The following FAM184A variants were observed in gnomAD, a reference collection of about 807,000 sequenced individuals.
The protein encoded by FAM184A is protein FAM184A.
FAM184A carries 99 observed loss-of-function variants against 143.8 expected under a neutral mutation model. The observed-to-expected ratio is 0.69, with a 90% CI of 0.58 to 0.81. The LOEUF is 0.81. FAM184A is among the 40% of genes least tolerant of loss of function. The probability of loss-of-function intolerance (pLI) is 0.00; values close to 1 mark genes in which losing one functional copy is unlikely to be tolerated. For synonymous variants in FAM184A, 427 were observed against 446.4 expected (o/e 0.96, Z 0.55); for missense variants, 1,217 against 1,310.5 (o/e 0.93, Z 1.10).
chr6:119,047,025 C>A (rs1390460189), intron 1 of FAM184A, among the ~76,000 whole-genome samples: 3 of 146,578 alleles, frequency 2.0e-5, no homozygotes, highest in Non-Finnish European at 3.0e-5. Context: ...TCAAAAAACG[C>A]TACAGGAAAA....
chr6:118,999,526 T>G (rs1031150329), intron 9 of FAM184A, among the ~76,000 whole-genome samples: 2 of 152,208 alleles, frequency 1.3e-5, no homozygotes, highest in Admixed American at 6.5e-5. Flanking sequence ...ATAAAATGTT[T>G]ACTAAGTGAA....
intron 1 of FAM184A, among the ~76,000 whole-genome samples, chr6:119,134,497 A>G (rs1368659750): frequency 1.3e-5 from 2 of 151,926 alleles, no homozygotes. Context: ...CCAAAAAATA[A>G]AAGTAAATTA....
intron 1 of FAM184A, among the ~76,000 whole-genome samples, chr6:119,058,348 G>A (rs940655334): frequency 2.0e-5 from 3 of 151,738 alleles, no homozygotes; most frequent in Non-Finnish European, 4.4e-5. Flanking sequence ...TTACAGGTGT[G>A]CGCCACCACA....
chr6:119,031,094 T>C (rs1785852689), intron 1 of FAM184A, among the ~76,000 whole-genome samples: 1 of 152,136 alleles, frequency 6.6e-6, no homozygotes, highest in Non-Finnish European at 1.5e-5. Context: ...ATCTTTTTTT[T>C]CCTATGATAA....
chr6:119,127,404 T>C (rs1000695951), intron 1 of FAM184A, among the ~76,000 whole-genome samples: 9 of 152,178 alleles, frequency 5.9e-5, no homozygotes, highest in African/African-American at 1.7e-4. Flanking sequence ...GGGCCTAGGA[T>C]CTGACAGGGG....
At chr6:118,992,151 G>T (rs1369846781) in intron 9 of FAM184A, among the ~76,000 whole-genome samples, 2 of 152,132 alleles carry the variant, frequency 1.3e-5, no homozygotes, top group East Asian at 3.9e-4. Flanking sequence ...AAGTGAAATT[G>T]ATGAGGACAG....
At chr6:119,004,581 T>A (rs1158672920) in intron 7 of FAM184A, among the ~76,000 whole-genome samples, 2 of 152,212 alleles carry the variant, frequency 1.3e-5, no homozygotes, top group Admixed American at 6.5e-5. Context: ...GCTTAAAATG[T>A]ATTTCTTTTC....
chr6:119,139,450 A>G (rs1258542446), intron 1 of FAM184A, among the ~76,000 whole-genome samples: 1 of 152,194 alleles, frequency 6.6e-6, no homozygotes, highest in Non-Finnish European at 1.5e-5. Context: ...CTGTCGAGGA[A>G]GATTTCCTAC....
At chr6:119,010,710 C>A (rs1410537570) in intron 6 of FAM184A, among the ~76,000 whole-genome samples, 2 of 152,114 alleles carry the variant, frequency 1.3e-5, no homozygotes, top group African/African-American at 4.8e-5. Context: ...TGTTTCAATT[C>A]ACAACTTTGA....
intron 1 of FAM184A, among the ~76,000 whole-genome samples, chr6:119,119,872 G>A (rs1332500191): frequency 1.2e-4 from 19 of 152,102 alleles, no homozygotes; most frequent in Admixed American, 1.2e-3. Flanking sequence ...TATGCCTGTA[G>A]TCCCAGGAGG....
chr6:119,032,352 A>G (rs4946388), intron 1 of FAM184A, among the ~76,000 whole-genome samples: 70,895 of 151,654 alleles, frequency 0.47, 17,985 homozygotes, highest in East Asian at 0.75. Flanking sequence ...TAATGAATGT[A>G]TGTTCCTATT....
chr6:119,129,403 T>G (rs1045691807), intron 1 of FAM184A, among the ~76,000 whole-genome samples: 1 of 152,178 alleles, frequency 6.6e-6, no homozygotes, highest in African/African-American at 2.4e-5. Context: ...GCAGATGTGG[T>G]GGGGCTTTCC....
chr6:119,128,095 G>C (rs1255838391), intron 1 of FAM184A, among the ~76,000 whole-genome samples: 2 of 151,954 alleles, frequency 1.3e-5, no homozygotes, highest in Non-Finnish European at 2.9e-5. Flanking sequence ...AGGCACAACT[G>C]ACTACCATTA....
In FAM184A at chr6:119,078,101, C is replaced by A. The variant is rs1409831634; in HGVS notation, c.159+40G>T. ...GGAGACAGGTGAGTCCGGCGCGGCC[C>A]GCACGGGGTCGCCACCTGCCCCGTC... On this transcript the variant is annotated intron_variant, in intron 1 of 17. Coordinates refer to ENST00000338891, the MANE Select transcript of FAM184A (RefSeq NM_024581.6). The surrounding 1 kb of genome is among the most constrained non-coding windows in gnomAD (Gnocchi z 5.5). 8 of 1,548,934 alleles carry A rather than the reference C, an allele frequency of 5.2e-6. No individual in the cohort carries two copies. Among genetic ancestry groups the A allele is most frequent in the Non-Finnish European group, 6.9e-6 (8 of 1,151,972 alleles).
rs1373543643 is a variant in FAM184A at position 118,975,963 on chromosome 6, G to A, written c.2537C>T (p.Ala846Val). The change falls in exon 12 of 18, where the codon GCT becomes GTT. Residue 846 changes from alanine to valine, a missense_variant. Ala to Val is a moderately conservative substitution (Grantham distance 64). Coordinates refer to ENST00000338891, the MANE Select transcript of FAM184A (RefSeq NM_024581.6). ...LRHNHHQELA[A>V]AKMELERSID... The stretch of plus-strand genomic sequence containing the variant: ...GCTTCTCTCTAATTCCATTTTAGCA[G>A]CTGCCAATTCTTGATGATGATTATG... 6.2e-7 allele frequency: 1 copy of A among 1,613,328 alleles called. No individual in the cohort carries two copies. Among genetic ancestry groups the A allele is most frequent in the Admixed American group, 1.7e-5 (1 of 59,956 alleles).
chr6:119,046,988 G>A (rs1786560029), intron 1 of FAM184A, among the ~76,000 whole-genome samples: 1 of 151,824 alleles, frequency 6.6e-6, no homozygotes, highest in East Asian at 1.9e-4. Context: ...ATCTGACAAG[G>A]GATTAATAAC....
chr6:119,143,012 A>G (rs1465707683), intron 1 of FAM184A, among the ~76,000 whole-genome samples: 2 of 152,192 alleles, frequency 1.3e-5, no homozygotes, highest in East Asian at 3.8e-4. Context: ...AATCACCAGA[A>G]ACTAGGAGGG....
chr6:118,991,078 A>G (rs979435589), intron 9 of FAM184A, among the ~76,000 whole-genome samples: 1 of 152,068 alleles, frequency 6.6e-6, no homozygotes, highest in African/African-American at 2.4e-5. Context: ...AAGTATTATG[A>G]TTTTTAAAAA....
At chr6:119,117,640 T>A (rs1789094831) in intron 1 of FAM184A, among the ~76,000 whole-genome samples, 1 of 152,222 alleles carries the variant, frequency 6.6e-6, no homozygotes, top group Admixed American at 6.5e-5. Flanking sequence ...TACTTTATCT[T>A]AGGTGAACCT....
Sources: allele counts gnomAD v4.1 joint callset (sites outside exome capture counted in the v4.1 genomes callset), GRCh38; gene constraint gnomAD v4.1.1; non-coding constraint Gnocchi (gnomAD v3.1); transcripts MANE v1.5; gene names NCBI Gene and HGNC (gene_info 2026-07-23, HGNC 2026-07-21).